The following PDE6B variants were observed in gnomAD, a reference collection of about 807,000 sequenced individuals.
PDE6B encodes rod cGMP-specific 3',5'-cyclic phosphodiesterase subunit beta.
In PDE6B, 106 loss-of-function variants were observed where a neutral mutation model predicts 109.0. That is an observed-to-expected ratio of 0.97 (90% CI 0.83 to 1.14). The LOEUF (loss-of-function observed/expected upper bound fraction) is 1.14. Ranked by LOEUF, PDE6B falls within the 50% of genes most tolerant of loss-of-function variation. The pLI is 0.00. For missense variants in PDE6B, 1,193 were observed against 1,155.6 expected, an observed-to-expected ratio of 1.03 and a Z score of -0.47; for synonymous variants, 490 against 471.3, an observed-to-expected ratio of 1.04 and a Z score of -0.51.
At position 663,612 on chromosome 4, in the gene PDE6B, A is replaced by T; in HGVS notation, c.1921-158A>T. 2 of 673,906 alleles carry T rather than the reference A, an allele frequency of 3.0e-6. No individual in the cohort carries two copies. Among genetic ancestry groups the T allele is most frequent in the Non-Finnish European group, 5.4e-6 (2 of 369,050 alleles). The allele number at this position is 673,906 out of a possible 1,614,324, so 41.7% of individuals were successfully genotyped here. On this transcript the variant is annotated intron_variant, in intron 15 of 21. Coordinates refer to ENST00000496514, the MANE Select transcript of PDE6B (RefSeq NM_000283.4). The surrounding 1 kb of genome is among the most constrained non-coding windows in gnomAD (Gnocchi z 4.0). ...TGGTGGAGAGCTGGGCACCCTGAGG[A>T]GGGCCCTGAGCAGCAGGCGGATTAG... is the stretch of plus-strand genomic sequence containing the variant.
chr4:664,843 G>A (rs747635550), intron 17 of PDE6B, 38 bp from the exon 18 acceptor site: 2 of 1,543,034 alleles, frequency 1.3e-6, no homozygotes, highest in South Asian at 2.2e-5. Flanking sequence ...GCCCTCAGGA[G>A]ACGCCCATCA....
At chr4:659,606 T>C (rs1306856101) in intron 11 of PDE6B, among the ~76,000 whole-genome samples, 1 of 145,444 alleles carries the variant, frequency 6.9e-6, no homozygotes, top group South Asian at 2.1e-4. Flanking sequence ...TGTGTGTGCG[T>C]GTGTGCATTG....
Position 657,447 on chromosome 4 carries a change from G to C in PDE6B, c.1354G>C (p.Val452Leu). 1 of 1,613,452 alleles carries C rather than the reference G, an allele frequency of 6.2e-7. No individual in the cohort carries two copies. The highest frequency in any genetic ancestry group is 1.7e-5 in the Admixed American group (1 of 60,030). ...ENRKDIAQDM[V>L]LYHVKCDRDE... ...CCGCAAGGACATCGCACAGGACATG[G>C]TCCTTTACCACGTGAAGTGCGACAG... is the stretch of plus-strand genomic sequence containing the variant. The change falls in exon 10 of 22, where the codon GTC becomes CTC. Residue 452 changes from valine to leucine, a missense_variant. Transcript: ENST00000496514.
At chr4:643,085 G>A (rs1343803972) in intron 3 of PDE6B, among the ~76,000 whole-genome samples, 5 of 151,948 alleles carry the variant, frequency 3.3e-5, no homozygotes, top group South Asian at 2.1e-4. Context: ...TGAGGCGGGC[G>A]GATCACGAGG....
intron 1 of PDE6B, among the ~76,000 whole-genome samples, chr4:631,160 G>C (rs10030020): frequency 0.024 from 3,618 of 152,332 alleles, 144 homozygotes; most frequent in African/African-American, 0.083. Flanking sequence ...TGACAAATAG[G>C]GTGAGGTTCT....
rs1402943970 is a variant in PDE6B at position 636,481 on chromosome 4, G to A, written c.711+512G>A. On this transcript the variant is annotated intron_variant, in intron 3 of 21. Transcript: ENST00000496514. The surrounding 1 kb of genome is among the most constrained non-coding windows in gnomAD (Gnocchi z 4.5). ...TAAGGAGTCAGGTGTGCCGAGGTGC[G>A]TGGGAAAACGCAGGGGGATGACCTC... Among the ~76,000 whole-genome samples the A allele has an allele frequency of 2.6e-5, 4 of 152,056 alleles. No individual in the cohort carries two copies. Among genetic ancestry groups the A allele is most frequent in the East Asian group, 1.9e-4 (1 of 5,168 alleles).
chr4:645,730 G>C (rs1006321010), intron 3 of PDE6B, among the ~76,000 whole-genome samples: 1 of 151,400 alleles, frequency 6.6e-6, no homozygotes, highest in Non-Finnish European at 1.5e-5. Context: ...GGTTTTAATT[G>C]AACGTCTTAT....
Position 663,158 on chromosome 4 carries a change from G to C in PDE6B, c.1891G>C (p.Glu631Gln). ...CTCGATTTTGGAGCGGCACCACCTG[G>C]AGTTTGGGAAGTTCCTGCTCTCGGA... ...GSSILERHHL[E>Q]FGKFLLSEET... Residue 631 changes from glutamate (E) to glutamine (Q), a missense_variant, in exon 15 of 22, where the codon GAG (glutamate) becomes CAG (glutamine). By Grantham distance (29) the Glu-to-Gln change is conservative. Coordinates refer to ENST00000496514, the MANE Select transcript of PDE6B (RefSeq NM_000283.4). This position sits in a 1 kb window ranked among gnomAD's most constrained non-coding sequence, Gnocchi z 4.0. 1 of 1,610,954 alleles carries C rather than the reference G, an allele frequency of 6.2e-7. No homozygotes were observed. Among genetic ancestry groups the C allele is most frequent in the Non-Finnish European group, 8.5e-7 (1 of 1,177,202 alleles).
intron 3 of PDE6B, chr4:651,463 A>G (rs1171780150): frequency 1.3e-5 from 2 of 153,082 alleles, no homozygotes; most frequent in African/African-American, 4.8e-5. Context: ...GAAGGCGCTG[A>G]GTTCGGCAGG....
chr4:670,027 C>T lies in PDE6B; in HGVS notation c.2504-19C>T, dbSNP rs555949349. ...GTGCACAGGTGGTTCCACTCACCAT[C>T]TTCTGTCTTCTCTTGCAGTAGGCAC... On this transcript the variant is annotated intron_variant, in intron 21 of 21. Coordinates refer to ENST00000496514, the MANE Select transcript of PDE6B (RefSeq NM_000283.4). 8 of 1,609,370 alleles carry T rather than the reference C, an allele frequency of 5.0e-6. No individual in the cohort carries two copies. In the Admixed American group the frequency reaches 1.2e-4, roughly 23 times the overall value.
rs28483058 is a variant in PDE6B at position 653,210 on chromosome 4, G to A, written c.712-642G>A. On this transcript the variant is annotated intron_variant, in intron 3 of 21. Coordinates refer to ENST00000496514, the MANE Select transcript of PDE6B (RefSeq NM_000283.4). Reference sequence around the variant, plus strand: ...GGAGGAGAGGGAGCTGGCACCATGCGGTAGAAGACCCAGCGGCCGCCGCGA... The same window carrying A: ...GGAGGAGAGGGAGCTGGCACCATGCAGTAGAAGACCCAGCGGCCGCCGCGA... 4,624 of 1,004,648 alleles carry A rather than the reference G, an allele frequency of 4.6e-3. 46 individuals carry two copies. Among genetic ancestry groups the A allele is most frequent in the African/African-American group, 0.039 (2,274 of 57,670 alleles). 62.2% of individuals were successfully genotyped at this position (1,004,648 alleles called of 1,614,324 possible).
intron 12 of PDE6B, 56 bp downstream of exon 12, chr4:660,669 G>GGTGGGGAT: frequency 6.6e-7 from 1 of 1,526,108 alleles, no homozygotes. Flanking sequence ...AGGACATGGG[G>GGTGGGGAT]GTGGGGATGT....
chr4:659,791 T>C (rs1221674300), intron 11 of PDE6B, among the ~76,000 whole-genome samples: 2 of 152,124 alleles, frequency 1.3e-5, no homozygotes, highest in African/African-American at 4.8e-5. Context: ...CACATGGATA[T>C]ATATAGACAC....
chr4:653,953 G>A lies in PDE6B; in HGVS notation c.813G>A (p.Glu271=). 2 of 1,613,892 alleles carry A rather than the reference G, an allele frequency of 1.2e-6. No individual in the cohort carries two copies. Among genetic ancestry groups the A allele is most frequent in the Non-Finnish European group, 1.7e-6 (2 of 1,180,028 alleles). ...FYTVRAYLNC[E]RYSVGLLDMT... is the part of the protein sequence containing the mutation. ...CGGTGCGGGCCTACCTCAACTGCGA[G>A]CGGTACTCCGTGGGCCTCCTGGACA... Residue 271 remains glutamate (E), a synonymous_variant, in exon 4 of 22, where the codon GAG becomes GAA. Coordinates refer to ENST00000496514, the MANE Select transcript of PDE6B (RefSeq NM_000283.4).
At position 633,697 on chromosome 4, in the gene PDE6B, G is replaced by C. The variant is rs978994367; in HGVS notation, c.469-980G>C. Among the ~76,000 whole-genome samples the C allele has an allele frequency of 6.6e-6, 1 of 152,220 alleles. No individual in the cohort carries two copies. Among genetic ancestry groups the C allele is most frequent in the Admixed American group, 6.5e-5 (1 of 15,284 alleles). On this transcript the variant is annotated intron_variant, in intron 1 of 21. Coordinates refer to ENST00000496514, the MANE Select transcript of PDE6B (RefSeq NM_000283.4). The surrounding 1 kb of genome is among the most constrained non-coding windows in gnomAD (Gnocchi z 4.5). ...AACCACCCTGTGCCCACTGCAGGTC[G>C]CACAGGTGGGAAGTCCTGACCCCAG...
Position 656,899 on chromosome 4 carries a change from G to A in PDE6B, c.1133G>A (p.Trp378Ter), listed in dbSNP as rs367889201. ...FQEGALDDSGWLIKNVLSMPI... is the reference protein window; with the variant it reads ...FQEGALDDSG ...GAAGGGGCCCTGGACGACTCCGGGTGGCTCATCAAGAATGTGCTGTCCATG... is the reference window on the plus strand; with the variant it reads ...GAAGGGGCCCTGGACGACTCCGGGTAGCTCATCAAGAATGTGCTGTCCATG... The change falls in exon 9 of 22, where the codon TGG becomes TAG. Residue 378 changes from tryptophan (W) to a stop codon, truncating the protein, a stop_gained. Coordinates refer to ENST00000496514, the MANE Select transcript of PDE6B (RefSeq NM_000283.4). LOFTEE classifies it high-confidence loss of function. 5.0e-6 allele frequency: 8 copies of A among 1,612,810 alleles called. No homozygotes were observed. The East Asian group carries it at 1.3e-4, about 27-fold the overall frequency.
At position 625,710 on chromosome 4, in the gene PDE6B, C is replaced by T; in HGVS notation, c.84C>T (p.Ser28=). Residue 28 remains serine, a synonymous_variant, in exon 1 of 22, where the codon AGC becomes AGT. Transcript: ENST00000496514. The surrounding 1 kb of genome is among the most constrained non-coding windows in gnomAD (Gnocchi z 5.0). ...FARQYFGKKL[S]PENVAAACED... is the part of the protein sequence containing the mutation. ...GCCAGTACTTTGGGAAGAAACTGAG[C>T]CCTGAGAATGTGGCCGCGGCCTGCG... 6.2e-7 allele frequency: 1 copy of T among 1,613,830 alleles called. No homozygotes were observed. The highest frequency in any genetic ancestry group is 8.5e-7 in the Non-Finnish European group (1 of 1,179,942).
chr4:654,727 G>A (rs1214709448), intron 5 of PDE6B, 97 bp from the exon 6 acceptor site: 67 of 799,930 alleles, frequency 8.4e-5, no homozygotes, highest in Non-Finnish European at 1.3e-4. Flanking sequence ...GTGTGCATGC[G>A]TGTGGCTGTG....
chr4:647,240 CT>C (rs1333444857), intron 3 of PDE6B, among the ~76,000 whole-genome samples: 2 of 151,924 alleles, frequency 1.3e-5, no homozygotes, highest in Non-Finnish European at 2.9e-5. Flanking sequence ...CTTGCTTTGC[CT>C]TTTTGGACTG....
Sources: gnomAD v4.1 joint callset for allele counts (sites outside exome capture counted in the v4.1 genomes callset) on GRCh38, gnomAD v4.1.1 for gene constraint, Gnocchi (gnomAD v3.1) non-coding constraint, MANE v1.5 for transcripts, NCBI Gene and HGNC (gene_info 2026-07-23, HGNC 2026-07-21) for gene names.